Variants in CA6 observed in about 807,000 individuals in gnomAD.
CA6 encodes carbonic anhydrase 6.
Under a neutral mutation model 35.9 loss-of-function variants are expected in CA6, and 28 were observed. That is an observed-to-expected ratio of 0.78 (90% CI 0.58 to 1.07). The LOEUF (loss-of-function observed/expected upper bound fraction) is 1.07. Ranked by LOEUF, CA6 falls within the 50% of genes least tolerant of loss-of-function variation. The pLI is 0.00. For synonymous variants in CA6, 148 were observed against 152.6 expected (o/e 0.97, Z 0.22); for missense variants, 377 against 382.0 (o/e 0.99, Z 0.11).
intron 2 of CA6, chr1:8,952,179 C>G (rs749665993): frequency 6.6e-6 from 1 of 152,530 alleles, no homozygotes; most frequent in Non-Finnish European, 1.5e-5. Context: ...CTCTGTCACC[C>G]AGGCTGGAAT....
rs59987426 is a variant in CA6 at position 8,960,789 on chromosome 1, C to CACACACACACATATAT, written c.501+1788_501+1789insCACACACACATATATA. The stretch of plus-strand genomic sequence containing the variant: ...ACACACACACACACACACACACACA[C>CACACACACACATATAT]ATATATATAATGGGAGTCCCAGAAG... On this transcript the variant is annotated intron_variant, in intron 4 of 7. Coordinates refer to ENST00000377443, the MANE Select transcript of CA6 (RefSeq NM_001215.4). 3.8e-3 allele frequency among the ~76,000 whole-genome samples: 444 copies of CACACACACACATATAT among 116,840 alleles called. 4 individuals carry two copies. The highest frequency in any genetic ancestry group is 0.014 in the African/African-American group (424 of 29,908). The allele number at this position is 116,840 out of a possible 152,430, so 76.7% of individuals were successfully genotyped here. A position where few individuals can be genotyped will look rare whatever the true frequency, so the allele number is the denominator to read the frequency against.
At chr1:8,967,928 C>T in intron 6 of CA6, 112 bp downstream of exon 6, 2 of 791,868 alleles carry the variant, frequency 2.5e-6, no homozygotes, top group South Asian at 3.5e-5. Context: ...ACAGTATTTT[C>T]TGTGTGCAGG....
chr1:8,946,746 A>G (rs1237183950), intron 1 of CA6, among the ~76,000 whole-genome samples: 1 of 150,764 alleles, frequency 6.6e-6, no homozygotes, highest in Admixed American at 6.6e-5. Context: ...ACATCTTGAC[A>G]TAAGGACCCA....
At chr1:8,967,081 C>T (rs1426224195) in intron 5 of CA6, among the ~76,000 whole-genome samples, 1 of 152,166 alleles carries the variant, frequency 6.6e-6, no homozygotes, top group African/African-American at 2.4e-5. Flanking sequence ...CCTTGGCCTC[C>T]CAGAGTGTTG....
intron 2 of CA6, among the ~76,000 whole-genome samples, chr1:8,955,012 C>T (rs1639635999): frequency 6.7e-6 from 1 of 148,758 alleles, no homozygotes; most frequent in Non-Finnish European, 1.5e-5. Context: ...TGTTTTGGTG[C>T]AGACTAGTAA....
At chr1:8,969,101 G>C (rs1166699509) in intron 6 of CA6, among the ~76,000 whole-genome samples, 2 of 151,928 alleles carry the variant, frequency 1.3e-5, no homozygotes, top group African/African-American at 4.8e-5. Flanking sequence ...GGATCACGAG[G>C]TCAGGGGTTC....
intron 2 of CA6, among the ~76,000 whole-genome samples, chr1:8,950,565 C>T (rs1374034425): frequency 1.3e-5 from 2 of 151,878 alleles, no homozygotes; most frequent in Non-Finnish European, 2.9e-5. Flanking sequence ...TGCCACACAG[C>T]GATAGGACAG....
intron 2 of CA6, among the ~76,000 whole-genome samples, chr1:8,949,753 C>G (rs751603474): frequency 7.9e-5 from 12 of 152,252 alleles, no homozygotes; most frequent in Non-Finnish European, 1.8e-4. Flanking sequence ...GCTGAAGCCA[C>G]CCTTCCCACG....
intron 2 of CA6, chr1:8,951,437 C>T (rs772524506): frequency 1.3e-6 from 1 of 761,812 alleles, no homozygotes; most frequent in Admixed American, 1.7e-5. Context: ...GCAGGCGGAA[C>T]TCTTCCTCCC....
chr1:8,951,595 G>C (rs1180416750), intron 2 of CA6: 2 of 765,194 alleles, frequency 2.6e-6, no homozygotes, highest in Non-Finnish European at 4.8e-6. Flanking sequence ...TTCGTGCTGA[G>C]GGCCCAGAAG....
At chr1:8,957,791 A>AG in intron 3 of CA6, among the ~76,000 whole-genome samples, 1 of 151,582 alleles carries the variant, frequency 6.6e-6, no homozygotes, top group East Asian at 2.0e-4. Context: ...TCTACAAAAA[A>AG]AAAAAAAAAA....
At chr1:8,962,527 G>C (rs1261381041) in intron 4 of CA6, 60 bp from the exon 5 acceptor site, 1 of 1,352,760 alleles carries the variant, frequency 7.4e-7, no homozygotes, top group Non-Finnish European at 1.1e-6. Flanking sequence ...GGCTGGATTA[G>C]TAGCGATGGT....
At chr1:8,973,764 CTT>C (rs748354107) in intron 7 of CA6, among the ~76,000 whole-genome samples, 3 of 22,440 alleles carry the variant, frequency 1.3e-4, no homozygotes, top group Non-Finnish European at 2.1e-4. Flanking sequence ...TTCTTTCTTT[CTT>C]TCTTTCTTTC....
intron 7 of CA6, among the ~76,000 whole-genome samples, chr1:8,973,728 C>A (rs1463652114): frequency 5.7e-5 from 1 of 17,448 alleles, no homozygotes; most frequent in African/African-American, 3.9e-4. Context: ...TTCTTTCTTT[C>A]TTTCTTTCTT....
intron 7 of CA6, among the ~76,000 whole-genome samples, chr1:8,971,322 T>C (rs1640104996): frequency 6.6e-6 from 1 of 151,142 alleles, no homozygotes. Flanking sequence ...TTTTTTTTTT[T>C]TTTTTTTGAG....
At chr1:8,973,500 C>T (rs950888003) in intron 7 of CA6, among the ~76,000 whole-genome samples, 1 of 152,200 alleles carries the variant, frequency 6.6e-6, no homozygotes, top group Non-Finnish European at 1.5e-5. Context: ...TAGGTACCGG[C>T]CCCAGACTGA....
chr1:8,964,773 T>A (rs1639928209), intron 5 of CA6, among the ~76,000 whole-genome samples: 1 of 151,986 alleles, frequency 6.6e-6, no homozygotes, highest in East Asian at 1.9e-4. Context: ...GGAGCCGGAG[T>A]GACGGTCAGA....
intron 7 of CA6, among the ~76,000 whole-genome samples, chr1:8,973,399 C>G (rs1028288371): frequency 6.6e-6 from 1 of 152,222 alleles, no homozygotes; most frequent in South Asian, 2.1e-4. Context: ...TAGTCACTAA[C>G]AGACTGCGTA....
intron 2 of CA6, among the ~76,000 whole-genome samples, chr1:8,955,367 C>T (rs1050050149): frequency 6.6e-6 from 1 of 152,208 alleles, no homozygotes; most frequent in East Asian, 1.9e-4. Context: ...CAGAGTAAGA[C>T]CCTGCCTCAA....
Sources: gnomAD v4.1 joint callset for allele counts (sites outside exome capture counted in the v4.1 genomes callset) on GRCh38, gnomAD v4.1.1 for gene constraint, MANE v1.5 for transcripts, NCBI Gene and HGNC (gene_info 2026-07-23, HGNC 2026-07-21) for gene names.